The following HAPLN1 variants were observed in gnomAD, a reference collection of about 807,000 sequenced individuals.
The protein encoded by HAPLN1 is hyaluronan and proteoglycan link protein 1.
In HAPLN1, 13 loss-of-function variants were observed where a neutral mutation model predicts 36.5. The observed-to-expected ratio is 0.36, with a 90% CI of 0.23 to 0.57. The LOEUF is 0.57. HAPLN1 is among the 20% of genes least tolerant of loss of function. HAPLN1 has a pLI of 0.83. For missense variants in HAPLN1, 407 were observed against 439.7 expected (o/e 0.93, Z 0.66); for synonymous variants, 202 against 169.8 (o/e 1.19, Z -1.48).
chr5:83,642,439 C>G (rs1749728796), intron 4 of HAPLN1, among the ~76,000 whole-genome samples: 1 of 152,092 alleles, frequency 6.6e-6, no homozygotes, highest in Non-Finnish European at 1.5e-5. Flanking sequence ...TTTGTTGAAA[C>G]CCTGACACCT....
intron 1 of HAPLN1, chr5:83,682,369 T>C (rs911208995): frequency 6.6e-6 from 1 of 152,204 alleles, no homozygotes; most frequent in Non-Finnish European, 1.5e-5. Flanking sequence ...CATAGGAAGA[T>C]TTTTAAATAT....
chr5:83,701,386 GC>G (rs2112629471), intron 1 of HAPLN1, among the ~76,000 whole-genome samples: 1 of 152,320 alleles, frequency 6.6e-6, no homozygotes, highest in African/African-American at 2.4e-5. Context: ...GAAATGAATT[GC>G]CCTGTGAAGT....
At chr5:83,694,057 A>G (rs1751337277) in intron 1 of HAPLN1, among the ~76,000 whole-genome samples, 1 of 151,970 alleles carries the variant, frequency 6.6e-6, no homozygotes, top group Admixed American at 6.6e-5. Flanking sequence ...TCATAAGACA[A>G]TTCTCAAGAA....
At chr5:83,657,626 T>C (rs1305076961) in intron 2 of HAPLN1, among the ~76,000 whole-genome samples, 1 of 152,118 alleles carries the variant, frequency 6.6e-6, no homozygotes, top group African/African-American at 2.4e-5. Flanking sequence ...ATTTTGAAAG[T>C]GAAGCCCTTG....
intron 1 of HAPLN1, among the ~76,000 whole-genome samples, chr5:83,685,049 A>G (rs1288414876): frequency 6.6e-6 from 1 of 152,234 alleles, no homozygotes; most frequent in African/African-American, 2.4e-5. Flanking sequence ...GCAGATTAAC[A>G]TAGCTATTGT....
intron 2 of HAPLN1, among the ~76,000 whole-genome samples, chr5:83,667,257 TGGTG>T (rs1478241073): frequency 6.6e-6 from 1 of 152,168 alleles, no homozygotes; most frequent in African/African-American, 2.4e-5. Context: ...TATATTAATA[TGGTG>T]ATATTCCAAG....
intron 1 of HAPLN1, among the ~76,000 whole-genome samples, chr5:83,690,033 A>G (rs1751233487): frequency 6.6e-6 from 1 of 151,990 alleles, no homozygotes; most frequent in African/African-American, 2.4e-5. Context: ...TTCTTCAAAG[A>G]GCTATTTTCT....
chr5:83,677,975 A>G (rs1750897857), intron 1 of HAPLN1, among the ~76,000 whole-genome samples: 1 of 152,138 alleles, frequency 6.6e-6, no homozygotes, highest in South Asian at 2.1e-4. Flanking sequence ...CCCCTGATAC[A>G]CTGAATCAGA....
Position 83,638,464 on chromosome 5 carries a change from C to T in HAPLN1, c.*3032G>A, listed in dbSNP as rs1417662354. On this transcript the variant is annotated 3_prime_UTR_variant, in exon 5 of 5. Transcript: ENST00000274341. ...TCTTAACAAAACGATGTCAGTTATC[C>T]GTTGATATTTCTTAATGCATCCTAT... 1 of 151,976 alleles carries T rather than the reference C, an allele frequency of 6.6e-6. No homozygotes were observed. The highest frequency in any genetic ancestry group is 1.5e-5 in the Non-Finnish European group (1 of 67,906). The allele number at this position is 151,976 out of a possible 1,614,324, so 9.4% of individuals were successfully genotyped here. A position where few individuals can be genotyped will look rare whatever the true frequency, so the allele number is the denominator to read the frequency against.
At chr5:83,662,831 G>GTAATTTT (rs550833757) in intron 2 of HAPLN1, among the ~76,000 whole-genome samples, 1 of 152,210 alleles carries the variant, frequency 6.6e-6, no homozygotes, top group Non-Finnish European at 1.5e-5. Flanking sequence ...TTTGTAATTT[G>GTAATTTT]TAGAATGACA....
chr5:83,690,594 T>C (rs1751246610), intron 1 of HAPLN1, among the ~76,000 whole-genome samples: 1 of 152,086 alleles, frequency 6.6e-6, no homozygotes, highest in Non-Finnish European at 1.5e-5. Context: ...CATGCTATGG[T>C]TTATTAAATG....
chr5:83,646,519 G>T, intron 3 of HAPLN1, among the ~76,000 whole-genome samples: 1 of 152,204 alleles, frequency 6.6e-6, no homozygotes, highest in Non-Finnish European at 1.5e-5. Context: ...GAAGGCCTCG[G>T]TAGGACACGT....
At chr5:83,704,767 G>T (rs761656785) in intron 1 of HAPLN1, among the ~76,000 whole-genome samples, 3 of 152,136 alleles carry the variant, frequency 2.0e-5, no homozygotes, top group Non-Finnish European at 4.4e-5. Context: ...AATTCTTAGA[G>T]ACCTGCAAAG....
At chr5:83,642,287 A>T (rs1749724698) in intron 4 of HAPLN1, among the ~76,000 whole-genome samples, 1 of 152,242 alleles carries the variant, frequency 6.6e-6, no homozygotes, top group Admixed American at 6.5e-5. Flanking sequence ...ATTAGACATT[A>T]TTCTCATTCA....
At chr5:83,703,525 T>G (rs905945116) in intron 1 of HAPLN1, 1 of 152,076 alleles carries the variant, frequency 6.6e-6, no homozygotes, top group Non-Finnish European at 1.5e-5. Context: ...CACAAATTAG[T>G]AAAGTGTTCC....
chr5:83,650,343 A>G (rs150831832), intron 3 of HAPLN1, among the ~76,000 whole-genome samples: 2 of 152,324 alleles, frequency 1.3e-5, no homozygotes, highest in East Asian at 3.9e-4. Context: ...ATGATTATAG[A>G]AATTTGTTTG....
At chr5:83,654,050 C>T (rs1750148466) in intron 2 of HAPLN1, among the ~76,000 whole-genome samples, 1 of 152,214 alleles carries the variant, frequency 6.6e-6, no homozygotes, top group Admixed American at 6.5e-5. Flanking sequence ...ATGTCCAAAT[C>T]ACTGGGAAGA....
At chr5:83,656,523 G>T (rs1204290021) in intron 2 of HAPLN1, among the ~76,000 whole-genome samples, 1 of 151,734 alleles carries the variant, frequency 6.6e-6, no homozygotes, top group African/African-American at 2.4e-5. Context: ...GTGTGAAAAG[G>T]TGCACATAAA....
intron 3 of HAPLN1, among the ~76,000 whole-genome samples, chr5:83,648,364 AG>A (rs1324445302): frequency 1.4e-5 from 2 of 141,222 alleles, no homozygotes; most frequent in Admixed American, 7.2e-5. Context: ...TCTAGGATAT[AG>A]GTATGGATGT....
Sources: gnomAD v4.1 joint callset for allele counts (sites outside exome capture counted in the v4.1 genomes callset) on GRCh38, gnomAD v4.1.1 for gene constraint, MANE v1.5 for transcripts, NCBI Gene and HGNC (gene_info 2026-07-23, HGNC 2026-07-21) for gene names.